ZFAND3: variants seen among roughly 807,000 people sequenced by gnomAD.
ZFAND3 encodes the protein AN1-type zinc finger protein 3.
ZFAND3 carries 10 observed loss-of-function variants against 29.6 expected under a neutral mutation model. That is an observed-to-expected ratio of 0.34 (90% CI 0.21 to 0.57). The LOEUF (loss-of-function observed/expected upper bound fraction) is 0.57, where lower values mean the gene tolerates loss of function less well. ZFAND3 is among the 20% of genes least tolerant of loss of function. ZFAND3 has a pLI of 0.86. For missense variants in ZFAND3, 230 were observed against 304.5 expected (o/e 0.76, Z 1.82); for synonymous variants, 128 against 112.6 (o/e 1.14, Z -0.87).
chr6:38,095,731 G>T (rs1764964608), intron 4 of ZFAND3, among the ~76,000 whole-genome samples: 1 of 152,090 alleles, frequency 6.6e-6, no homozygotes, highest in South Asian at 2.1e-4. Context: ...ACAATTCTCG[G>T]ATGAAAGTCA....
intron 1 of ZFAND3, among the ~76,000 whole-genome samples, chr6:37,860,637 G>GTTTTTT (rs58902274): frequency 2.1e-5 from 2 of 97,242 alleles, no homozygotes; most frequent in African/African-American, 4.3e-5. Context: ...TATTCACTTA[G>GTTTTTT]TTTTTTTTTT....
intron 1 of ZFAND3, among the ~76,000 whole-genome samples, chr6:37,907,624 C>CACTAGTTGATGGGGATTTGGATCATTTA (rs1171676420): frequency 6.6e-6 from 1 of 151,874 alleles, no homozygotes; most frequent in Non-Finnish European, 1.5e-5. Context: ...TTTATTCATT[C>CACTAGTTGATGGGGATTTGGATCATTTA]ACTAGTTGAT....
chr6:37,903,574 G>A (rs1765357250), intron 1 of ZFAND3, among the ~76,000 whole-genome samples: 1 of 152,208 alleles, frequency 6.6e-6, no homozygotes, highest in Non-Finnish European at 1.5e-5. Flanking sequence ...AATAGCAAGA[G>A]TATGTAACAT....
chr6:37,868,557 G>A (rs1334937126), intron 1 of ZFAND3, among the ~76,000 whole-genome samples: 1 of 152,120 alleles, frequency 6.6e-6, no homozygotes, highest in Admixed American at 6.5e-5. Context: ...GCTGTGTTAA[G>A]GTTTCTGTCT....
chr6:37,954,963 C>G (rs1049480377), intron 2 of ZFAND3, among the ~76,000 whole-genome samples: 1 of 152,200 alleles, frequency 6.6e-6, no homozygotes, highest in African/African-American at 2.4e-5. Flanking sequence ...TACCTCTAAC[C>G]CTTTCAAATG....
At chr6:38,010,345 A>G (rs188763809) in intron 2 of ZFAND3, among the ~76,000 whole-genome samples, 201 of 152,174 alleles carry the variant, frequency 1.3e-3, no homozygotes, top group African/African-American at 4.5e-3. Context: ...TTGGGAGTTG[A>G]TTTTTTTCCC....
intron 2 of ZFAND3, among the ~76,000 whole-genome samples, chr6:38,027,993 C>T (rs1763481232): frequency 6.6e-6 from 1 of 152,214 alleles, no homozygotes; most frequent in Non-Finnish European, 1.5e-5. Context: ...CGGCATTCCC[C>T]AGGGCATTGT....
chr6:37,964,045 T>C (rs1025924755), intron 2 of ZFAND3, among the ~76,000 whole-genome samples: 5 of 152,204 alleles, frequency 3.3e-5, no homozygotes, highest in Non-Finnish European at 7.3e-5. Context: ...TGTAATTCTA[T>C]TTCTCCTTCT....
chr6:38,108,492 T>A (rs531742423), intron 4 of ZFAND3, among the ~76,000 whole-genome samples: 1 of 152,080 alleles, frequency 6.6e-6, no homozygotes, highest in African/African-American at 2.4e-5. Context: ...CGAGCTCGAG[T>A]CCCTGGGAAG....
chr6:37,919,824 C>T (rs1056454325), intron 1 of ZFAND3, among the ~76,000 whole-genome samples: 2 of 152,138 alleles, frequency 1.3e-5, no homozygotes, highest in Non-Finnish European at 2.9e-5. Context: ...TTGTTGTAAC[C>T]ATGACAAAGT....
intron 2 of ZFAND3, among the ~76,000 whole-genome samples, chr6:37,964,913 G>A (rs1762263696): frequency 6.6e-6 from 1 of 152,172 alleles, no homozygotes; most frequent in South Asian, 2.1e-4. Context: ...AGAGCCCTGT[G>A]AGGATTTAGT....
intron 2 of ZFAND3, among the ~76,000 whole-genome samples, chr6:37,964,700 C>T (rs1179260683): frequency 6.6e-6 from 1 of 152,244 alleles, no homozygotes; most frequent in Non-Finnish European, 1.5e-5. Flanking sequence ...ACCAACTGGT[C>T]TATCATGCAT....
intron 1 of ZFAND3, among the ~76,000 whole-genome samples, chr6:37,893,580 G>A (rs1765142821): frequency 6.6e-6 from 1 of 152,146 alleles, no homozygotes; most frequent in South Asian, 2.1e-4. Context: ...TGAAGGTGGA[G>A]TCTTGCTCTG....
chr6:38,093,394 T>C (rs1314922357), intron 4 of ZFAND3, among the ~76,000 whole-genome samples: 10 of 152,234 alleles, frequency 6.6e-5, no homozygotes, highest in Admixed American at 4.6e-4. Context: ...TGAAACTATT[T>C]TCAGTTTCTG....
At chr6:37,934,832 CTG>C (rs1431772427) in intron 2 of ZFAND3, among the ~76,000 whole-genome samples, 13 of 76,378 alleles carry the variant, frequency 1.7e-4, no homozygotes, top group Admixed American at 4.2e-4. Flanking sequence ...GAGTGAGACT[CTG>C]TCTCAAAAAA....
In ZFAND3 at chr6:38,144,232, T is replaced by TATATATAATATATATATATATA. The variant is rs147631639; in HGVS notation, c.530-8003_530-8002insATATATAATATATATATATATA. On this transcript the variant is annotated intron_variant, in intron 5 of 5. Coordinates refer to ENST00000287218, the MANE Select transcript of ZFAND3 (RefSeq NM_021943.3). The stretch of plus-strand genomic sequence containing the variant: ...ATATAATATATAATATATATATATA[T>TATATATAATATATATATATATA]TTTTTTTTTAATAAGGTTGCTTGAT... 9.9e-4 allele frequency among the ~76,000 whole-genome samples: 48 copies of TATATATAATATATATATATATA among 48,254 alleles called. 1 individual carries two copies. Among genetic ancestry groups the TATATATAATATATATATATATA allele is most frequent in the African/African-American group, 5.5e-3 (44 of 8,032 alleles). The allele number at this position is 48,254 out of a possible 152,430, so 31.7% of individuals were successfully genotyped here. A position where few individuals can be genotyped will look rare whatever the true frequency, so the allele number is the denominator to read the frequency against.
intron 2 of ZFAND3, among the ~76,000 whole-genome samples, chr6:37,991,347 T>A (rs1487331087): frequency 6.6e-6 from 1 of 151,900 alleles, no homozygotes; most frequent in African/African-American, 2.4e-5. Flanking sequence ...TATTTTATTA[T>A]TTATTATTTA....
rs1037780294 is a variant in ZFAND3 at position 38,152,869 on chromosome 6, C to T, written c.*480C>T. On this transcript the variant is annotated 3_prime_UTR_variant, in exon 6 of 6. Coordinates refer to ENST00000287218, the MANE Select transcript of ZFAND3 (RefSeq NM_021943.3). ...CAGTAGCCAGGATACCTGATGGCCA[C>T]GTGTGCCTTGGCCACGGGAGGCTGC... The T allele has an allele frequency of 1.0e-5, 10 of 986,010 alleles. No individual in the cohort carries two copies. The highest frequency in any genetic ancestry group is 1.1e-5 in the Non-Finnish European group (9 of 830,068). The allele number at this position is 986,010 out of a possible 1,614,324, so 61.1% of individuals were successfully genotyped here. A position where few individuals can be genotyped will look rare whatever the true frequency, so the allele number is the denominator to read the frequency against.
At chr6:37,845,546 TAATCTTCCAAGA>T (rs1764162834) in intron 1 of ZFAND3, among the ~76,000 whole-genome samples, 1 of 152,208 alleles carries the variant, frequency 6.6e-6, no homozygotes, top group South Asian at 2.1e-4. Flanking sequence ...ATGTATAGCT[TAATCTTCCAAGA>T]ACTAACTTGT....
Sources: allele counts gnomAD v4.1 joint callset (sites outside exome capture counted in the v4.1 genomes callset), GRCh38; gene constraint gnomAD v4.1.1; transcripts MANE v1.5; gene names NCBI Gene and HGNC (gene_info 2026-07-23, HGNC 2026-07-21).